Variants in PIAS1 observed in about 807,000 individuals in gnomAD.
PIAS1 encodes the protein E3 SUMO-protein ligase PIAS1.
Under a neutral mutation model 71.3 loss-of-function variants are expected in PIAS1, and 6 were observed. That is an observed-to-expected ratio of 0.08 (90% CI 0.05 to 0.17). The LOEUF is 0.17. Ranked by LOEUF, PIAS1 falls within the 10% of genes least tolerant of loss-of-function variation. PIAS1 has a pLI of 1.00. For missense variants in PIAS1, 555 were observed against 793.6 expected, an observed-to-expected ratio of 0.70 and a Z score of 3.61; for synonymous variants, 303 against 292.9, an observed-to-expected ratio of 1.03 and a Z score of -0.35.
At chr15:68,135,721 C>T (rs1595755988) in intron 2 of PIAS1, among the ~76,000 whole-genome samples, 3 of 55,444 alleles carry the variant, frequency 5.4e-5, no homozygotes, top group Non-Finnish European at 1.9e-4. Flanking sequence ...AGACGCTCCT[C>T]ACTTCCCAGA....
rs1302662685 is a variant in PIAS1 at position 68,193,257 on chromosome 15, A to G, written c.*5422A>G. 2.6e-5 allele frequency: 4 copies of G among 152,268 alleles called. No individual in the cohort carries two copies. The highest frequency in any genetic ancestry group is 5.9e-5 in the Non-Finnish European group (4 of 68,092). The allele number at this position is 152,268 out of a possible 1,614,324, so 9.4% of individuals were successfully genotyped here. A position where few individuals can be genotyped will look rare whatever the true frequency, so the allele number is the denominator to read the frequency against. On this transcript the variant is annotated 3_prime_UTR_variant, in exon 14 of 14. Coordinates refer to ENST00000249636, the MANE Select transcript of PIAS1 (RefSeq NM_016166.3). ...TTCTTGAGCTCTGCAAGGCCAGTCA[A>G]TTTAGCAGCTCACATCTGGTTTCCT...
At position 68,193,540 on chromosome 15, in the gene PIAS1, A is replaced by C. The variant is rs943919313; in HGVS notation, c.*5705A>C. On this transcript the variant is annotated 3_prime_UTR_variant, in exon 14 of 14. Coordinates refer to ENST00000249636, the MANE Select transcript of PIAS1 (RefSeq NM_016166.3). ...GCTAGCACTGGCTTCATCTTGGAAA[A>C]TCTTGGAAATATGGAAGATGGTTCT... The C allele has an allele frequency of 6.5e-6, 1 of 153,594 alleles. No individual in the cohort carries two copies. The allele number at this position is 153,594 out of a possible 1,614,324, so 9.5% of individuals were successfully genotyped here.
chr15:68,107,981 A>T (rs966308486), intron 2 of PIAS1, among the ~76,000 whole-genome samples: 1 of 152,194 alleles, frequency 6.6e-6, no homozygotes, highest in Admixed American at 6.5e-5. Flanking sequence ...AGTGAGGAAG[A>T]GTTAGAATTA....
chr15:68,142,128 TGTGATGCA>T, intron 3 of PIAS1, 98 bp downstream of exon 3: 2 of 935,612 alleles, frequency 2.1e-6, no homozygotes, highest in Non-Finnish European at 3.4e-6. Flanking sequence ...TTAGTATTTG[TGTGATGCA>T]AATATTAGTA....
chr15:68,180,080 CT>C (rs2093044651), intron 11 of PIAS1, among the ~76,000 whole-genome samples: 3 of 151,888 alleles, frequency 2.0e-5, no homozygotes, highest in Non-Finnish European at 4.4e-5. Flanking sequence ...AATTGTTTTT[CT>C]TTTCAAAATT....
At chr15:68,126,764 G>A (rs6494714) in intron 2 of PIAS1, among the ~76,000 whole-genome samples, 151,241 of 152,186 alleles carry the variant, frequency 0.99, 75,161 homozygotes, top group Middle Eastern at 1. Context: ...GTTATAAATG[G>A]TAGCTTTTTT....
intron 8 of PIAS1, 103 bp downstream of exon 8, chr15:68,164,907 T>C (rs796088090): frequency 7.9e-6 from 5 of 635,030 alleles, no homozygotes; most frequent in African/African-American, 7.3e-5. Flanking sequence ...TTCTAAAATA[T>C]GTCCACCATT....
At chr15:68,100,294 A>G (rs1038836751) in intron 2 of PIAS1, among the ~76,000 whole-genome samples, 2 of 152,122 alleles carry the variant, frequency 1.3e-5, no homozygotes, top group Admixed American at 6.5e-5. Context: ...TATTAGTTGT[A>G]TTTGCAGTCA....
At chr15:68,068,593 C>T (rs1047031114) in intron 1 of PIAS1, among the ~76,000 whole-genome samples, 4 of 151,952 alleles carry the variant, frequency 2.6e-5, no homozygotes, top group South Asian at 2.1e-4. Flanking sequence ...GCTGGGATTA[C>T]GGGTGTCTGC....
intron 2 of PIAS1, among the ~76,000 whole-genome samples, chr15:68,134,792 T>C (rs866616778): frequency 2.7e-4 from 9 of 33,710 alleles, no homozygotes; most frequent in Middle Eastern, 0.024. Context: ...TAGGGGCGGC[T>C]GGGCAGAGGC....
intron 2 of PIAS1, among the ~76,000 whole-genome samples, chr15:68,101,548 A>G (rs2092426929): frequency 6.6e-6 from 1 of 152,008 alleles, no homozygotes; most frequent in Non-Finnish European, 1.5e-5. Context: ...AGTTTACCTT[A>G]ATCTCAAATT....
chr15:68,175,567 A>G, intron 9 of PIAS1, 70 bp from the exon 10 acceptor site: 2 of 783,234 alleles, frequency 2.6e-6, no homozygotes, highest in Non-Finnish European at 3.6e-6. Flanking sequence ...TTAAGAATAA[A>G]TATAACTTAA....
At chr15:68,168,591 C>T (rs1049990396) in intron 8 of PIAS1, among the ~76,000 whole-genome samples, 2 of 152,068 alleles carry the variant, frequency 1.3e-5, no homozygotes, top group African/African-American at 2.4e-5. Context: ...AAGATGAAGA[C>T]GTTCAAAGCT....
intron 7 of PIAS1, among the ~76,000 whole-genome samples, chr15:68,158,067 G>C (rs1480988148): frequency 6.6e-6 from 1 of 152,098 alleles, no homozygotes; most frequent in African/African-American, 2.4e-5. Context: ...GATTTATACA[G>C]ATCTAAAATC....
Position 68,146,565 on chromosome 15 carries a change from G to A in PIAS1, c.694-1G>A, listed in dbSNP as rs2092809719. ...ATAAATAAATTACATTTCATTTTTA[G>A]GGTTACCTTCCACCTACAAAAAATG... On this transcript the variant is annotated splice_acceptor_variant, in intron 5 of 13. Coordinates refer to ENST00000249636, the MANE Select transcript of PIAS1 (RefSeq NM_016166.3). LOFTEE classifies it high-confidence loss of function. 6.2e-7 allele frequency: 1 copy of A among 1,608,700 alleles called. No homozygotes were observed. Among genetic ancestry groups the A allele is most frequent in the Non-Finnish European group, 8.5e-7 (1 of 1,176,394 alleles).
chr15:68,097,158 A>T (rs1178187345), intron 2 of PIAS1, among the ~76,000 whole-genome samples: 2 of 152,296 alleles, frequency 1.3e-5, no homozygotes, highest in African/African-American at 4.8e-5. Flanking sequence ...CATTCAGATG[A>T]TCATGTAGTT....
At chr15:68,166,550 G>A (rs2092958926) in intron 8 of PIAS1, among the ~76,000 whole-genome samples, 2 of 151,978 alleles carry the variant, frequency 1.3e-5, no homozygotes, top group South Asian at 4.1e-4. Flanking sequence ...CACCAATTCA[G>A]AAAATACGTT....
At chr15:68,179,012 C>A (rs2093036720) in intron 11 of PIAS1, among the ~76,000 whole-genome samples, 1 of 152,182 alleles carries the variant, frequency 6.6e-6, no homozygotes, top group Non-Finnish European at 1.5e-5. Context: ...ATTTCTCTCT[C>A]TATTTGCAGA....
At position 68,086,497 on chromosome 15, in the gene PIAS1, T is replaced by G; in HGVS notation, c.216T>G (p.Pro72=). The change falls in exon 2 of 14, where the codon CCT becomes CCG. Residue 72 remains proline, a synonymous_variant. Transcript: ENST00000249636. This position sits in a 1 kb window ranked among gnomAD's most constrained non-coding sequence, Gnocchi z 7.2. ...RRRFPQKIMT[P]ADLSIPNVHS... is the part of the protein sequence containing the mutation. The stretch of plus-strand genomic sequence containing the variant: ...GGTTCCCACAGAAAATCATGACGCC[T>G]GCAGACTTGTCCATCCCCAACGTAC... 1 of 1,613,944 alleles carries G rather than the reference T, an allele frequency of 6.2e-7. No individual in the cohort carries two copies. The highest frequency in any genetic ancestry group is 2.2e-5 in the East Asian group (1 of 44,886).
Sources: allele counts gnomAD v4.1 joint callset (sites outside exome capture counted in the v4.1 genomes callset), GRCh38; gene constraint gnomAD v4.1.1; non-coding constraint Gnocchi (gnomAD v3.1); transcripts MANE v1.5; gene names NCBI Gene and HGNC (gene_info 2026-07-23, HGNC 2026-07-21).